GRID2: variants seen among roughly 807,000 people sequenced by gnomAD.
GRID2 encodes glutamate receptor ionotropic, delta-2.
GRID2 carries 33 observed loss-of-function variants against 114.8 expected under a neutral mutation model. The ratio of observed to expected loss-of-function variants is 0.29; its 90% confidence interval spans 0.22 to 0.38. GRID2 has a LOEUF of 0.38. GRID2 is among the 10% of genes least tolerant of loss of function. The pLI, the probability that GRID2 is intolerant of heterozygous loss-of-function variation, is 1.00. For missense variants in GRID2, 1,184 were observed against 1,257.7 expected (o/e 0.94, Z 0.89); for synonymous variants, 505 against 449.9 (o/e 1.12, Z -1.55).
chr4:92,616,994 T>C (rs1730033257), intron 2 of GRID2, among the ~76,000 whole-genome samples: 1 of 151,608 alleles, frequency 6.6e-6, no homozygotes, highest in African/African-American at 2.4e-5. Flanking sequence ...TTATATACAC[T>C]AATGTATAGA....
chr4:93,163,384 A>ATATACATTATATATATATATATATG (rs1560941767), intron 4 of GRID2, among the ~76,000 whole-genome samples: 1 of 39,430 alleles, frequency 2.5e-5, no homozygotes, highest in African/African-American at 1.4e-4. Flanking sequence ...ATATATATAT[A>ATATACATTATATATATATATATATG]TATATATATA....
intron 3 of GRID2, among the ~76,000 whole-genome samples, chr4:93,092,142 A>G (rs1421792385): frequency 6.6e-6 from 1 of 152,074 alleles, no homozygotes; most frequent in East Asian, 1.9e-4. Context: ...TTGTTTCAAC[A>G]CTCAACAACA....
At chr4:92,716,248 C>G (rs1735541488) in intron 2 of GRID2, among the ~76,000 whole-genome samples, 1 of 152,166 alleles carries the variant, frequency 6.6e-6, no homozygotes, top group Non-Finnish European at 1.5e-5. Flanking sequence ...CCATTGCTTT[C>G]TTCTATCTTG....
At chr4:93,235,373 T>C (rs1347299401) in intron 7 of GRID2, among the ~76,000 whole-genome samples, 1 of 152,158 alleles carries the variant, frequency 6.6e-6, no homozygotes, top group East Asian at 1.9e-4. Flanking sequence ...GAAAATCTGC[T>C]GCATCACCAA....
intron 1 of GRID2, among the ~76,000 whole-genome samples, chr4:92,486,906 C>A (rs1722925774): frequency 6.6e-6 from 1 of 151,796 alleles, no homozygotes; most frequent in African/African-American, 2.4e-5. Flanking sequence ...TACAGTATAA[C>A]CCAAAGGAAC....
intron 1 of GRID2, among the ~76,000 whole-genome samples, chr4:92,384,863 G>A (rs1013952665): frequency 1.3e-5 from 2 of 149,902 alleles, no homozygotes; most frequent in African/African-American, 4.9e-5. Context: ...AAAGATTCAC[G>A]ACGCATTCTA....
intron 14 of GRID2, among the ~76,000 whole-genome samples, chr4:93,671,336 A>G (rs1724393478): frequency 6.6e-6 from 1 of 152,174 alleles, no homozygotes; most frequent in Non-Finnish European, 1.5e-5. Context: ...GTTACCCAAA[A>G]GGGTTTTTTC....
chr4:93,408,092 T>C (rs951758763), intron 9 of GRID2, among the ~76,000 whole-genome samples: 4 of 152,110 alleles, frequency 2.6e-5, no homozygotes, highest in African/African-American at 9.7e-5. Flanking sequence ...GGCCGAGTAG[T>C]CTGAAGTCTA....
intron 1 of GRID2, among the ~76,000 whole-genome samples, chr4:92,460,038 A>G (rs1367716843): frequency 1.1e-5 from 1 of 91,144 alleles, no homozygotes; most frequent in African/African-American, 3.9e-5. Flanking sequence ...CTCACTATAT[A>G]TATATATATA....
At chr4:93,189,660 A>G (rs1740778467) in intron 4 of GRID2, among the ~76,000 whole-genome samples, 1 of 152,058 alleles carries the variant, frequency 6.6e-6, no homozygotes, top group African/African-American at 2.4e-5. Context: ...AAGTATCCAC[A>G]TATCCATTGA....
intron 8 of GRID2, among the ~76,000 whole-genome samples, chr4:93,313,493 A>G (rs1255179914): frequency 6.6e-6 from 1 of 152,320 alleles, no homozygotes; most frequent in South Asian, 2.1e-4. Context: ...AGGAGAGGAT[A>G]TAGTTCATTG....
At chr4:92,310,328 A>G (rs533311267) in intron 1 of GRID2, among the ~76,000 whole-genome samples, 2 of 152,172 alleles carry the variant, frequency 1.3e-5, no homozygotes, top group South Asian at 2.1e-4. Flanking sequence ...TAGTTTTAAC[A>G]TTGGCAAACT....
At chr4:93,536,248 G>A (rs1238292151) in intron 13 of GRID2, among the ~76,000 whole-genome samples, 2 of 151,792 alleles carry the variant, frequency 1.3e-5, no homozygotes, top group African/African-American at 2.4e-5. Context: ...AATAGCCAAA[G>A]CAATTTTAAC....
chr4:92,944,386 T>C (rs1751440303), intron 2 of GRID2, among the ~76,000 whole-genome samples: 1 of 152,220 alleles, frequency 6.6e-6, no homozygotes, highest in African/African-American at 2.4e-5. Context: ...GTGCTGGATA[T>C]AATCTCCTGG....
intron 14 of GRID2, among the ~76,000 whole-genome samples, chr4:93,651,945 T>C (rs1722616276): frequency 6.6e-6 from 1 of 152,112 alleles, no homozygotes; most frequent in South Asian, 2.1e-4. Context: ...GATAGGTGTT[T>C]TGGGACCACA....
intron 4 of GRID2, among the ~76,000 whole-genome samples, chr4:93,164,022 G>A (rs1019352446): frequency 6.6e-6 from 1 of 151,914 alleles, no homozygotes; most frequent in Admixed American, 6.6e-5. Flanking sequence ...TATTAAGTTA[G>A]TTCTCTTTAT....
chr4:92,687,208 C>T, intron 2 of GRID2, among the ~76,000 whole-genome samples: 1 of 150,102 alleles, frequency 6.7e-6, no homozygotes, highest in Non-Finnish European at 1.5e-5. Flanking sequence ...AGGAAAGAGG[C>T]CCGTGTACTT....
intron 1 of GRID2, among the ~76,000 whole-genome samples, chr4:92,328,604 T>C (rs1348097249): frequency 6.6e-6 from 1 of 152,062 alleles, no homozygotes; most frequent in East Asian, 1.9e-4. Context: ...TATTTTTCCC[T>C]GGATTGTTCT....
Position 93,030,489 on chromosome 4 carries a change from A to T in GRID2, c.245-54506A>T, listed in dbSNP as rs533563630. 1.4e-3 allele frequency among the ~76,000 whole-genome samples: 217 copies of T among 151,670 alleles called. 1 individual carries two copies. Among genetic ancestry groups the T allele is most frequent in the African/African-American group, 5.2e-3 (214 of 41,300 alleles). ...AACCTCTCCCTCCTGGGTTCAGTCA[A>T]TTCTTGTGCCCCAGCCTCTGGAGTA... On this transcript the variant is annotated intron_variant, in intron 2 of 15. Coordinates refer to ENST00000282020, the MANE Select transcript of GRID2 (RefSeq NM_001510.4).
Sources: gnomAD v4.1 joint callset for allele counts (sites outside exome capture counted in the v4.1 genomes callset) on GRCh38, gnomAD v4.1.1 for gene constraint, MANE v1.5 for transcripts, NCBI Gene and HGNC (gene_info 2026-07-23, HGNC 2026-07-21) for gene names.